The following GREB1 variants were observed in gnomAD, a reference collection of about 807,000 sequenced individuals.
The protein encoded by GREB1 is protein GREB1.
In GREB1, 106 loss-of-function variants were observed where a neutral mutation model predicts 200.7. The observed-to-expected ratio is 0.53, with a 90% confidence interval of 0.45 to 0.62. The LOEUF is 0.62. GREB1 is among the 20% of genes least tolerant of loss of function. GREB1 has a pLI of 0.00. For missense variants in GREB1, 2,243 were observed against 2,556.8 expected (o/e 0.88, Z 2.65); for synonymous variants, 1,132 against 1,092.4 (o/e 1.04, Z -0.72).
At chr2:11,609,190 C>T (rs1682680352) in intron 17 of GREB1, among the ~76,000 whole-genome samples, 1 of 152,056 alleles carries the variant, frequency 6.6e-6, no homozygotes, top group Non-Finnish European at 1.5e-5. Context: ...GTCCTTTGAG[C>T]AGAGCCCATT....
chr2:11,519,433 A>G (rs1414604221), intron 1 of GREB1, among the ~76,000 whole-genome samples: 1 of 114,184 alleles, frequency 8.8e-6, no homozygotes, highest in Non-Finnish European at 1.8e-5. Flanking sequence ...TTCACATCTT[A>G]TGATTACTTG....
chr2:11,506,676 A>G (rs1673190428), intron 1 of GREB1, among the ~76,000 whole-genome samples: 2 of 152,194 alleles, frequency 1.3e-5, no homozygotes, highest in African/African-American at 4.8e-5. Context: ...TCATTATGCT[A>G]AAATGTGATG....
intron 17 of GREB1, among the ~76,000 whole-genome samples, chr2:11,610,097 GATAGTAACC>G: frequency 6.6e-6 from 1 of 152,232 alleles, no homozygotes. Context: ...TGGGGACACA[GATAGTAACC>G]ACAGTTTCTG....
At chr2:11,544,419 T>G (rs1347315411) in intron 1 of GREB1, among the ~76,000 whole-genome samples, 1 of 152,086 alleles carries the variant, frequency 6.6e-6, no homozygotes, top group African/African-American at 2.4e-5. Context: ...GGTTTCACCG[T>G]GCTAGCCAGG....
intron 1 of GREB1, among the ~76,000 whole-genome samples, chr2:11,520,920 G>A (rs1246668012): frequency 1.3e-5 from 2 of 152,180 alleles, no homozygotes; most frequent in Non-Finnish European, 2.9e-5. Context: ...CTGAGGTGCA[G>A]AGAGATTAAC....
intron 1 of GREB1, among the ~76,000 whole-genome samples, chr2:11,545,878 A>G (rs1675223678): frequency 6.6e-6 from 1 of 151,992 alleles, no homozygotes. Flanking sequence ...TTGTGTCGCT[A>G]AAGAAAATAA....
chr2:11,556,651 C>T lies in GREB1; in HGVS notation c.37C>T (p.Arg13Cys), dbSNP rs763795153. The change falls in exon 2 of 33, where the codon CGC becomes TGC. Residue 13 changes from arginine to cysteine, a missense_variant. By Grantham distance (180) the Arg-to-Cys change is radical. Coordinates refer to ENST00000381486, the MANE Select transcript of GREB1 (RefSeq NM_014668.4). ...TTACGCTGGACAGCTGAAGACGACA[C>T]GCTTTGAAGAGGTCTTGCACAATTC... ...NSYAGQLKTTRFEEVLHNSIE... is the reference protein window; with the variant it reads ...NSYAGQLKTTCFEEVLHNSIE... 19 of 1,613,132 alleles carry T rather than the reference C, an allele frequency of 1.2e-5. No homozygotes were observed. The highest frequency in any genetic ancestry group is 2.7e-5 in the African/African-American group (2 of 74,890).
chr2:11,570,632 C>T (rs1484881896), intron 4 of GREB1, among the ~76,000 whole-genome samples: 1 of 151,400 alleles, frequency 6.6e-6, no homozygotes, highest in Non-Finnish European at 1.5e-5. Context: ...GTAGGTCCTT[C>T]CTCCCTAGTT....
Position 11,627,041 on chromosome 2 carries a change from G to GTACAACA in GREB1, c.4387_4393dup (p.Thr1465IlefsTer8). The GTACAACA allele has an allele frequency of 6.2e-7, 1 of 1,613,968 alleles. No homozygotes were observed. Among genetic ancestry groups the GTACAACA allele is most frequent in the Non-Finnish European group, 8.5e-7 (1 of 1,179,864 alleles). ...GGATGAGACTGTCCAAGTACGCAGC[G>GTACAACA]TACAACACTTACCACCACTGTGAGC... On this transcript the variant is annotated frameshift_variant, in exon 25 of 33. Coordinates refer to ENST00000381486, the MANE Select transcript of GREB1 (RefSeq NM_014668.4). LOFTEE classifies it high-confidence loss of function.
intron 26 of GREB1, among the ~76,000 whole-genome samples, chr2:11,631,662 G>A (rs1440693363): frequency 6.6e-6 from 1 of 152,140 alleles, no homozygotes; most frequent in Non-Finnish European, 1.5e-5. Context: ...AGGCTAGCCC[G>A]GGCTTGTGCA....
At chr2:11,503,461 A>G (rs1558487229) in intron 1 of GREB1, among the ~76,000 whole-genome samples, 4 of 152,124 alleles carry the variant, frequency 2.6e-5, no homozygotes, top group Admixed American at 6.5e-5. Flanking sequence ...TTTTTATAAT[A>G]TTATGACAAA....
In GREB1 at chr2:11,596,340, C is replaced by T. The variant is rs539816304; in HGVS notation, c.1954+101C>T. 1.5e-3 allele frequency: 1,405 copies of T among 917,584 alleles called. 3 individuals are homozygous for T. The highest frequency in any genetic ancestry group is 1.7e-3 in the Non-Finnish European group (1,046 of 628,010). 56.8% of individuals were successfully genotyped at this position (917,584 alleles called of 1,614,324 possible). ...GTGTGCACAGTGAGAGGGGCCATGGCGCAAGTGTGCACAGTGAGGGGGCAG... is the reference window on the plus strand; with the variant it reads ...GTGTGCACAGTGAGAGGGGCCATGGTGCAAGTGTGCACAGTGAGGGGGCAG... On this transcript the variant is annotated intron_variant, in intron 13 of 32. Coordinates refer to ENST00000381486, the MANE Select transcript of GREB1 (RefSeq NM_014668.4).
At chr2:11,488,629 A>C (rs1672710434) in intron 1 of GREB1, among the ~76,000 whole-genome samples, 1 of 151,978 alleles carries the variant, frequency 6.6e-6, no homozygotes, top group Non-Finnish European at 1.5e-5. Context: ...TGTCTCTATT[A>C]AAAATGTAAA....
In GREB1 at chr2:11,500,459, A is replaced by AT. The variant is rs5829310; in HGVS notation, c.-159+18095dup. Among the ~76,000 whole-genome samples the AT allele has an allele frequency of 9.3e-3, 1,319 of 141,644 alleles. 8 individuals carry two copies. The highest frequency in any genetic ancestry group is 0.026 in the Middle Eastern group (7 of 270). 92.9% of individuals were successfully genotyped at this position (141,644 alleles called of 152,430 possible). A position where few individuals can be genotyped will look rare whatever the true frequency, so the allele number is the denominator to read the frequency against. On this transcript the variant is annotated intron_variant, in intron 1 of 2. Coordinates refer to the GREB1 transcript ENST00000628795. ...CCGGCGTAAGCCACTGTGCCTGGCC[A>AT]TTTTTTTTTTTTTTTTTGATTTTTA...
At chr2:11,575,560 A>G (rs1323985937) in intron 4 of GREB1, among the ~76,000 whole-genome samples, 1 of 152,244 alleles carries the variant, frequency 6.6e-6, no homozygotes, top group Non-Finnish European at 1.5e-5. Flanking sequence ...AGAGGCCAGC[A>G]GCAGCAAGAT....
intron 4 of GREB1, among the ~76,000 whole-genome samples, chr2:11,571,128 T>G (rs1678230421): frequency 6.6e-6 from 1 of 152,158 alleles, no homozygotes; most frequent in African/African-American, 2.4e-5. Flanking sequence ...TTCCCCAGGT[T>G]TTGTTTTTTC....
chr2:11,488,312 G>C (rs1447339840), intron 1 of GREB1, among the ~76,000 whole-genome samples: 1 of 152,172 alleles, frequency 6.6e-6, no homozygotes, highest in Non-Finnish European at 1.5e-5. Context: ...GAGTCTGTAA[G>C]CTCTTAAAAT....
rs116057113 is a variant in GREB1 at position 11,628,039 on chromosome 2, C to G, written c.4449+935C>G. Among the ~76,000 whole-genome samples, 130 of 152,156 alleles carry G rather than the reference C, an allele frequency of 8.5e-4. 1 individual carries two copies. Among genetic ancestry groups the G allele is most frequent in the African/African-American group, 3.0e-3 (125 of 41,508 alleles). On this transcript the variant is annotated intron_variant, in intron 25 of 32. Coordinates refer to ENST00000381486, the MANE Select transcript of GREB1 (RefSeq NM_014668.4). ...GAACCCAGACTTTGGGGTGGGTACACTCAGCCACGAAACTCGGAGGGCAGG... is the reference window on the plus strand; with the variant it reads ...GAACCCAGACTTTGGGGTGGGTACAGTCAGCCACGAAACTCGGAGGGCAGG...
intron 1 of GREB1, among the ~76,000 whole-genome samples, chr2:11,515,558 G>A: frequency 6.6e-6 from 1 of 152,026 alleles, no homozygotes; most frequent in South Asian, 2.1e-4. Flanking sequence ...TCTGCTGGAA[G>A]CCCTGTGAGA....
Sources: gnomAD v4.1 joint callset for allele counts (sites outside exome capture counted in the v4.1 genomes callset) on GRCh38, gnomAD v4.1.1 for gene constraint, MANE v1.5 for transcripts, NCBI Gene and HGNC (gene_info 2026-07-23, HGNC 2026-07-21) for gene names.